CSMD1: variants seen among roughly 807,000 people sequenced by gnomAD.
The protein encoded by CSMD1 is CUB and sushi domain-containing protein 1.
Under a neutral mutation model 417.5 loss-of-function variants are expected in CSMD1, and 213 were observed. The observed-to-expected ratio is 0.51, with a 90% CI of 0.46 to 0.57. The LOEUF (loss-of-function observed/expected upper bound fraction) is 0.57, where lower values mean the gene tolerates loss of function less well. CSMD1 is among the 20% of genes least tolerant of loss of function. CSMD1 has a pLI of 0.00. For synonymous variants in CSMD1, 2,862 were observed against 1,736.8 expected (o/e 1.65, Z -16.11); for missense variants, 6,923 against 4,529.7 (o/e 1.53, Z -15.17).
rs573219443 is a variant in CSMD1, at chr8:4,320,180, G to C, written c.415+99773C>G. ...ATTTAGAGAAATGCAAAAATATCCA[G>C]CACTTAACAAGGTAAAATGTGTGAT... On this transcript the variant is annotated intron_variant, in intron 3 of 69. Transcript: ENST00000635120. Among the ~76,000 whole-genome samples, 7 of 152,214 alleles carry C rather than the reference G, an allele frequency of 4.6e-5. No homozygotes were observed. In the East Asian group the frequency reaches 7.7e-4, roughly 17 times the overall value.
intron 38 of CSMD1, 28 bp from the exon 39 acceptor site, chr8:3,157,994 CATATAACTAAAAACAGAGT>C: frequency 1.3e-6 from 2 of 1,513,342 alleles, no homozygotes; most frequent in Non-Finnish European, 1.8e-6. Flanking sequence ...AAAGAAAATA[CATATAACTAAAAACAGAGT>C]ATTTAAGGAT....
chr8:3,748,718 C>A (rs1336501581), intron 6 of CSMD1, among the ~76,000 whole-genome samples: 1 of 152,174 alleles, frequency 6.6e-6, no homozygotes, highest in African/African-American at 2.4e-5. Context: ...AACCTGGGAA[C>A]ATGGGGCTTT....
chr8:3,831,577 G>A (rs79708420), intron 5 of CSMD1, among the ~76,000 whole-genome samples: 24 of 152,076 alleles, frequency 1.6e-4, no homozygotes, highest in African/African-American at 5.8e-4. Flanking sequence ...CTACAGCAAT[G>A]GAATATCCCA....
Position 3,288,554 on chromosome 8 carries a change from C to G in CSMD1, c.3951-4208G>C, listed in dbSNP as rs184038066. ...AGGATGTATGTGTCGAAGAATTTAT[C>G]CATTTCTTCTAGATTTTCTAGTTTA... On this transcript the variant is annotated intron_variant, in intron 25 of 69. Transcript: ENST00000635120. 2.7e-3 allele frequency among the ~76,000 whole-genome samples: 400 copies of G among 147,338 alleles called. 80 individuals carry two copies. The highest frequency in any genetic ancestry group is 0.01 in the African/African-American group (384 of 37,172).
intron 1 of CSMD1, among the ~76,000 whole-genome samples, chr8:4,647,537 T>C (rs1009687366): frequency 5.9e-5 from 9 of 152,168 alleles, no homozygotes; most frequent in South Asian, 2.1e-4. Context: ...GCTGCACCTA[T>C]TGACCCCTCC....
chr8:4,780,458 A>G (rs956200290), intron 1 of CSMD1, among the ~76,000 whole-genome samples: 2 of 151,908 alleles, frequency 1.3e-5, no homozygotes, highest in East Asian at 1.9e-4. Flanking sequence ...CCTACCTATC[A>G]TCTCTCTCTG....
chr8:4,323,628 A>T (rs1283521736), intron 3 of CSMD1, among the ~76,000 whole-genome samples: 1 of 152,168 alleles, frequency 6.6e-6, no homozygotes, highest in Non-Finnish European at 1.5e-5. Context: ...AAACCAGAAG[A>T]CATAAGGAGA....
At chr8:3,439,309 A>ATTTTTTTTTT (rs1554552766) in intron 12 of CSMD1, among the ~76,000 whole-genome samples, 2 of 62,476 alleles carry the variant, frequency 3.2e-5, no homozygotes, top group East Asian at 5.7e-4. Context: ...ATATATATAT[A>ATTTTTTTTTT]TTTTTTTTTT....
intron 3 of CSMD1, among the ~76,000 whole-genome samples, chr8:4,273,813 C>A (rs1004401813): frequency 6.6e-6 from 1 of 152,180 alleles, no homozygotes; most frequent in Non-Finnish European, 1.5e-5. Flanking sequence ...GAAACCTGTA[C>A]TGGTCACTTC....
intron 2 of CSMD1, among the ~76,000 whole-genome samples, chr8:4,594,582 G>A (rs925635495): frequency 2.0e-5 from 3 of 152,012 alleles, no homozygotes; most frequent in African/African-American, 4.8e-5. Context: ...TTGGAGGGGG[G>A]CACAACTTAA....
At chr8:3,362,306 C>G (rs1049857938) in intron 20 of CSMD1, among the ~76,000 whole-genome samples, 8 of 152,206 alleles carry the variant, frequency 5.3e-5, no homozygotes, top group Admixed American at 2.6e-4. Context: ...CTGTCTTCCT[C>G]TCATCTATTC....
intron 3 of CSMD1, among the ~76,000 whole-genome samples, chr8:4,231,443 G>T (rs549002910): frequency 6.4e-4 from 98 of 152,318 alleles, no homozygotes; most frequent in African/African-American, 2.3e-3. Context: ...GATAGGTGTA[G>T]AGATCAGACA....
intron 1 of CSMD1, among the ~76,000 whole-genome samples, chr8:4,646,752 A>C (rs1217002951): frequency 6.6e-6 from 1 of 152,200 alleles, no homozygotes. Flanking sequence ...AGTCATACTA[A>C]AACCCCTAGA....
At chr8:3,064,991 T>C (rs1449937949) in intron 49 of CSMD1, among the ~76,000 whole-genome samples, 4 of 152,076 alleles carry the variant, frequency 2.6e-5, no homozygotes, top group African/African-American at 4.8e-5. Context: ...CTGGGAAACA[T>C]GGCTGGAGGA....
intron 48 of CSMD1, among the ~76,000 whole-genome samples, chr8:3,088,714 A>G (rs1814712515): frequency 6.6e-6 from 1 of 152,028 alleles, no homozygotes; most frequent in East Asian, 1.9e-4. Flanking sequence ...TGGCCACACC[A>G]TGTTCTACCT....
At chr8:4,242,553 A>C (rs1427003459) in intron 3 of CSMD1, among the ~76,000 whole-genome samples, 1 of 152,238 alleles carries the variant, frequency 6.6e-6, no homozygotes, top group Non-Finnish European at 1.5e-5. Flanking sequence ...CCCTTCTAGT[A>C]AGTTGTCTTG....
chr8:3,714,025 CAGATAGATAGAT>C (rs36006305), intron 6 of CSMD1, among the ~76,000 whole-genome samples: 319 of 147,150 alleles, frequency 2.2e-3, no homozygotes, highest in African/African-American at 8.0e-3. Context: ...GCTCACTATG[CAGATAGATAGAT>C]AGATAGATAG....
chr8:4,221,393 AC>A (rs1422181683), intron 3 of CSMD1, among the ~76,000 whole-genome samples: 70 of 147,372 alleles, frequency 4.7e-4, no homozygotes, highest in South Asian at 3.8e-3. Context: ...AAAAAAAAAA[AC>A]AACACATTGA....
At chr8:4,379,209 T>G (rs1462699210) in intron 3 of CSMD1, among the ~76,000 whole-genome samples, 1 of 152,146 alleles carries the variant, frequency 6.6e-6, no homozygotes, top group Non-Finnish European at 1.5e-5. Flanking sequence ...GTTCATAAAT[T>G]CAACCAAATT....
Sources: allele counts gnomAD v4.1 joint callset (sites outside exome capture counted in the v4.1 genomes callset), GRCh38; gene constraint gnomAD v4.1.1; transcripts MANE v1.5; gene names NCBI Gene and HGNC (gene_info 2026-07-23, HGNC 2026-07-21).